CEP63: variants seen among roughly 807,000 people sequenced by gnomAD.
CEP63 encodes centrosomal protein 63.
CEP63 carries 84 observed loss-of-function variants against 89.1 expected under a neutral mutation model. The observed-to-expected ratio is 0.94, with a 90% confidence interval of 0.79 to 1.13. The LOEUF (loss-of-function observed/expected upper bound fraction) is 1.13, where lower values mean the gene tolerates loss of function less well. Among genes scored for constraint, CEP63 ranks in the 50% most tolerant of loss-of-function variants. The pLI, the probability that CEP63 is intolerant of heterozygous loss-of-function variation, is 0.00. For synonymous variants in CEP63, 267 were observed against 272.5 expected, an observed-to-expected ratio of 0.98 and a Z score of 0.20; for missense variants, 838 against 813.3, an observed-to-expected ratio of 1.03 and a Z score of -0.37.
the CEP63 span, among the ~76,000 whole-genome samples, chr3:134,711,745 A>G: frequency 2.0e-5 from 3 of 148,490 alleles, no homozygotes; most frequent in African/African-American, 5.0e-5. Flanking sequence ...GCCACTCACT[A>G]TTATTTTTTT....
At chr3:134,599,105 C>A in the CEP63 span, among the ~76,000 whole-genome samples, 3 of 152,186 alleles carry the variant, frequency 2.0e-5, no homozygotes, top group African/African-American at 7.2e-5. Flanking sequence ...AACCCCAGGC[C>A]CACTGCCTGC....
intron 1 of CEP63, among the ~76,000 whole-genome samples, chr3:134,493,787 A>G (rs527790420): frequency 1.6e-4 from 25 of 152,102 alleles, no homozygotes; most frequent in Non-Finnish European, 3.4e-4. Flanking sequence ...TTTCATCACT[A>G]TATATCTAGT....
chr3:134,668,327 G>T, the CEP63 span, among the ~76,000 whole-genome samples: 2 of 152,152 alleles, frequency 1.3e-5, no homozygotes, highest in Non-Finnish European at 2.9e-5. Context: ...ACTGTTTCTT[G>T]TGCAACCCTG....
At chr3:134,531,681 A>T (rs554445963) in intron 3 of CEP63, among the ~76,000 whole-genome samples, 164 bp from the exon 4 acceptor site, 10 of 152,236 alleles carry the variant, frequency 6.6e-5, no homozygotes, top group Non-Finnish European at 2.9e-5. Flanking sequence ...AAGAATTCTT[A>T]AATAACTAGG....
chr3:134,743,729 A>G, the CEP63 span, among the ~76,000 whole-genome samples: 1 of 152,154 alleles, frequency 6.6e-6, no homozygotes, highest in African/African-American at 2.4e-5. Flanking sequence ...AAAGCTAAGC[A>G]TATCTGCTTC....
intron 5 of CEP63, 161 bp from the exon 6 acceptor site, chr3:134,536,994 T>C (rs1364891108): frequency 3.0e-6 from 2 of 669,318 alleles, no homozygotes; most frequent in African/African-American, 1.8e-5. Flanking sequence ...TTAGTATTAC[T>C]CTCCAGCTCT....
chr3:134,711,836 C>T, the CEP63 span, among the ~76,000 whole-genome samples: 2 of 151,078 alleles, frequency 1.3e-5, no homozygotes, highest in African/African-American at 2.4e-5. Context: ...AATCTTGGCT[C>T]ACTGTAACCT....
At chr3:134,629,451 GAA>G in the CEP63 span, 2 of 577,244 alleles carry the variant, frequency 3.5e-6, no homozygotes. Context: ...TGGGTGTAGA[GAA>G]AAGAGTCTCC....
At chr3:134,759,850 A>G in the CEP63 span, among the ~76,000 whole-genome samples, 1 of 152,218 alleles carries the variant, frequency 6.6e-6, no homozygotes, top group Non-Finnish European at 1.5e-5. Context: ...CATTTTGCAC[A>G]TACTTTTAAG....
intron 5 of CEP63, among the ~76,000 whole-genome samples, chr3:134,535,129 C>G (rs538066943): frequency 2.6e-5 from 4 of 152,116 alleles, no homozygotes; most frequent in Admixed American, 6.6e-5. Context: ...CCGTCTCTTC[C>G]TCCTCTGCCC....
chr3:134,534,739 G>A (rs1950457386), intron 5 of CEP63, among the ~76,000 whole-genome samples: 1 of 152,038 alleles, frequency 6.6e-6, no homozygotes. Context: ...TTAAATTCAT[G>A]GTCACTAACC....
upstream of CEP63, chr3:134,485,984 C>T: frequency 1.1e-6 from 1 of 884,402 alleles, no homozygotes. Context: ...ACGCTTGCTC[C>T]TGCCACGCCC....
the CEP63 span, among the ~76,000 whole-genome samples, chr3:134,663,892 C>A: frequency 6.6e-6 from 1 of 152,210 alleles, no homozygotes; most frequent in Non-Finnish European, 1.5e-5. Flanking sequence ...CTGAGCCAGG[C>A]CTTCTCCCAC....
At chr3:134,530,231 T>C (rs2109008500) in intron 3 of CEP63, among the ~76,000 whole-genome samples, 1 of 152,322 alleles carries the variant, frequency 6.6e-6, no homozygotes, top group East Asian at 1.9e-4. Context: ...TCTGGAAAAG[T>C]CATGTGCTTT....
the CEP63 span, among the ~76,000 whole-genome samples, chr3:134,691,022 T>TA: frequency 6.6e-6 from 1 of 152,290 alleles, no homozygotes; most frequent in Non-Finnish European, 1.5e-5. Context: ...GTGCTGGAAT[T>TA]ACAGATGTGA....
the CEP63 span, chr3:134,780,580 C>G: frequency 1.3e-5 from 2 of 152,202 alleles, no homozygotes; most frequent in Non-Finnish European, 2.9e-5. Flanking sequence ...AGGAGCCGTG[C>G]TAATCTGTAT....
the CEP63 span, among the ~76,000 whole-genome samples, chr3:134,772,428 G>T: frequency 6.6e-6 from 1 of 152,142 alleles, no homozygotes; most frequent in East Asian, 1.9e-4. Context: ...CCTTGTACAG[G>T]TGCCAGTCAC....
At chr3:134,715,535 T>G in the CEP63 span, among the ~76,000 whole-genome samples, 14 of 25,124 alleles carry the variant, frequency 5.6e-4, no homozygotes, top group Non-Finnish European at 5.5e-4. Context: ...TTTGTTTTTT[T>G]TTGTTTTTTC....
At chr3:134,498,542 T>G (rs886216695) in intron 2 of CEP63, among the ~76,000 whole-genome samples, 11 of 152,198 alleles carry the variant, frequency 7.2e-5, no homozygotes, top group African/African-American at 2.7e-4. Flanking sequence ...TTTGGATGCC[T>G]CTATTTCTTT....
Sources: gnomAD v4.1 joint callset for allele counts (sites outside exome capture counted in the v4.1 genomes callset) on GRCh38, gnomAD v4.1.1 for gene constraint, MANE v1.5 for transcripts, NCBI Gene and HGNC (gene_info 2026-07-23, HGNC 2026-07-21) for gene names.